LPP: variants seen among roughly 807,000 people sequenced by gnomAD.
The protein encoded by LPP is LIM domain containing preferred translocation partner in lipoma.
LPP carries 38 observed loss-of-function variants against 60.4 expected under a neutral mutation model. The ratio of observed to expected loss-of-function variants is 0.63; its 90% confidence interval spans 0.49 to 0.83. LPP has a LOEUF of 0.83. Among genes scored for constraint, LPP ranks in the 40% least tolerant of loss-of-function variants. The pLI, the probability that LPP is intolerant of heterozygous loss-of-function variation, is 0.00. For synonymous variants in LPP, 328 were observed against 290.8 expected (o/e 1.13, Z -1.30); for missense variants, 902 against 783.6 (o/e 1.15, Z -1.80).
intron 1 of LPP, among the ~76,000 whole-genome samples, chr3:188,203,386 A>G (rs1450783798): frequency 1.2e-5 from 1 of 86,596 alleles, no homozygotes. Context: ...ATTAATATTT[A>G]TATATTAATA....
chr3:188,153,781 T>C (rs1715171059), upstream of LPP: 1 of 150,114 alleles, frequency 6.7e-6, no homozygotes. Flanking sequence ...GACAAATGCG[T>C]GCAGGCAAAG....
At chr3:188,682,856 G>A (rs1322871759) in intron 7 of LPP, among the ~76,000 whole-genome samples, 1 of 152,108 alleles carries the variant, frequency 6.6e-6, no homozygotes, top group Non-Finnish European at 1.5e-5. Flanking sequence ...CAACTCTTCA[G>A]GCCCTAATGC....
intron 9 of LPP, among the ~76,000 whole-genome samples, chr3:188,844,640 A>G (rs1321230897): frequency 6.6e-6 from 1 of 152,202 alleles, no homozygotes; most frequent in Non-Finnish European, 1.5e-5. Flanking sequence ...CTCTAATTAA[A>G]AAGGAATTTG....
intron 3 of LPP, among the ~76,000 whole-genome samples, chr3:188,365,118 T>C (rs1223896944): frequency 1.2e-5 from 1 of 85,220 alleles, no homozygotes; most frequent in Non-Finnish European, 2.5e-5. Context: ...ATAGAAGCGC[T>C]TTTTTTTTTT....
intron 8 of LPP, among the ~76,000 whole-genome samples, chr3:188,740,058 GT>G (rs1167228056): frequency 1.3e-5 from 2 of 152,008 alleles, no homozygotes; most frequent in Non-Finnish European, 2.9e-5. Context: ...CACCAGTAGT[GT>G]TATCCATGTG....
chr3:188,160,511 A>G (rs527296020), intron 1 of LPP, among the ~76,000 whole-genome samples: 2 of 152,252 alleles, frequency 1.3e-5, no homozygotes, highest in African/African-American at 4.8e-5. Context: ...TTCTTAATCC[A>G]TGCCTTTTCT....
intron 2 of LPP, among the ~76,000 whole-genome samples, chr3:188,312,143 A>C (rs1387678376): frequency 6.7e-6 from 1 of 149,230 alleles, no homozygotes; most frequent in Non-Finnish European, 1.5e-5. Context: ...ATGTGTATAC[A>C]CACACACACA....
chr3:188,800,033 C>T (rs530514057), intron 9 of LPP, among the ~76,000 whole-genome samples: 2 of 152,134 alleles, frequency 1.3e-5, no homozygotes, highest in South Asian at 2.1e-4. Flanking sequence ...TCTTTGTTTT[C>T]CCTAAGAATG....
chr3:188,347,374 TA>T (rs1560278657), intron 3 of LPP, among the ~76,000 whole-genome samples: 2 of 152,260 alleles, frequency 1.3e-5, no homozygotes, highest in South Asian at 4.1e-4. Flanking sequence ...TAAGAAAGAA[TA>T]AAAAAAGCTA....
At chr3:188,441,459 G>A (rs913656872) in intron 4 of LPP, among the ~76,000 whole-genome samples, 1 of 151,834 alleles carries the variant, frequency 6.6e-6, no homozygotes, top group Non-Finnish European at 1.5e-5. Flanking sequence ...GAGGCCTTCA[G>A]ACCCCAATTC....
chr3:188,683,815 A>T (rs1370381814), intron 7 of LPP, among the ~76,000 whole-genome samples: 1 of 152,186 alleles, frequency 6.6e-6, no homozygotes, highest in Non-Finnish European at 1.5e-5. Context: ...AGCCATTGTA[A>T]GTGTACAGTG....
intron 7 of LPP, among the ~76,000 whole-genome samples, chr3:188,664,397 A>G (rs1308226042): frequency 6.6e-6 from 1 of 152,212 alleles, no homozygotes; most frequent in Non-Finnish European, 1.5e-5. Context: ...AAAGTTACAC[A>G]TGGTGTTTCA....
chr3:188,501,772 C>A (rs926357660), intron 5 of LPP, among the ~76,000 whole-genome samples: 5 of 151,446 alleles, frequency 3.3e-5, no homozygotes, highest in Non-Finnish European at 7.4e-5. Flanking sequence ...AAAATATTAG[C>A]CGGGCGTGGT....
At chr3:188,451,040 GT>G (rs1280672788) in intron 4 of LPP, among the ~76,000 whole-genome samples, 1 of 151,848 alleles carries the variant, frequency 6.6e-6, no homozygotes, top group African/African-American at 2.4e-5. Context: ...TAGGCTCTGT[GT>G]TTTTTGTTTT....
intron 4 of LPP, among the ~76,000 whole-genome samples, chr3:188,464,944 C>T (rs1361733158): frequency 2.1e-5 from 3 of 141,954 alleles, no homozygotes; most frequent in Non-Finnish European, 4.5e-5. Context: ...AATCTAATTT[C>T]GGACCCAATT....
intron 5 of LPP, among the ~76,000 whole-genome samples, chr3:188,507,528 T>A (rs1057159242): frequency 2.0e-5 from 3 of 152,134 alleles, no homozygotes; most frequent in Admixed American, 2.0e-4. Context: ...GTTTCCCGTT[T>A]TTCTCTTGAT....
chr3:188,297,190 A>G (rs1206167052), intron 2 of LPP, among the ~76,000 whole-genome samples: 2 of 152,218 alleles, frequency 1.3e-5, no homozygotes, highest in Non-Finnish European at 2.9e-5. Flanking sequence ...TGAAGGACAC[A>G]CTTAGATAAC....
chr3:188,829,874 G>T (rs1320386825), intron 9 of LPP, among the ~76,000 whole-genome samples: 1 of 151,884 alleles, frequency 6.6e-6, no homozygotes, highest in African/African-American at 2.4e-5. Context: ...ATAGTTTGAA[G>T]ATTAAAAGAT....
chr3:188,643,351 C>T (rs749711924), intron 7 of LPP, among the ~76,000 whole-genome samples: 4 of 152,144 alleles, frequency 2.6e-5, no homozygotes, highest in Non-Finnish European at 5.9e-5. Flanking sequence ...AAGACTGTCA[C>T]TTCTTCATTT....
Sources: allele counts gnomAD v4.1 joint callset (sites outside exome capture counted in the v4.1 genomes callset), GRCh38; gene constraint gnomAD v4.1.1; transcripts MANE v1.5; gene names NCBI Gene and HGNC (gene_info 2026-07-23, HGNC 2026-07-21).